The following THADA variants were observed in gnomAD, a reference collection of about 807,000 sequenced individuals.
THADA encodes the protein tRNA (32-2'-O)-methyltransferase regulator THADA.
Under a neutral mutation model 219.8 loss-of-function variants are expected in THADA, and 213 were observed. The observed-to-expected ratio is 0.97, with a 90% CI of 0.87 to 1.09. The LOEUF (loss-of-function observed/expected upper bound fraction) is 1.09, where lower values mean the gene tolerates loss of function less well. THADA is among the 50% of genes least tolerant of loss of function. The pLI, the probability that THADA is intolerant of heterozygous loss-of-function variation, is 0.00. For synonymous variants in THADA, 1,018 were observed against 828.9 expected, an observed-to-expected ratio of 1.23 and a Z score of -3.92; for missense variants, 2,956 against 2,311.3, an observed-to-expected ratio of 1.28 and a Z score of -5.72.
chr2:43,542,185 T>C (rs544457970), intron 20 of THADA, among the ~76,000 whole-genome samples: 68 of 152,316 alleles, frequency 4.5e-4, no homozygotes, highest in African/African-American at 1.6e-3. Flanking sequence ...ATGGTACTTA[T>C]AGGGTAACCT....
intron 36 of THADA, among the ~76,000 whole-genome samples, chr2:43,243,924 C>T (rs1001695999): frequency 6.6e-5 from 10 of 152,154 alleles, no homozygotes; most frequent in African/African-American, 2.4e-4. Context: ...CTATGACTGC[C>T]TGATGTAAAC....
intron 7 of THADA, among the ~76,000 whole-genome samples, chr2:43,585,100 C>T (rs996813679): frequency 5.8e-4 from 89 of 152,154 alleles, no homozygotes; most frequent in African/African-American, 2.1e-3. Flanking sequence ...TAGGTTTCCC[C>T]AAGGAAGAGT....
rs538112787 is a variant in THADA, at chr2:43,530,887, T to C, written c.3265-2899A>G. ...TTCCTGGGCACAGAAAACAGATTGATGTTCTAAGGACAAAACTGAGATATA... is the reference window on the plus strand; with the variant it reads ...TTCCTGGGCACAGAAAACAGATTGACGTTCTAAGGACAAAACTGAGATATA... On this transcript the variant is annotated intron_variant, in intron 21 of 37. Coordinates refer to ENST00000405975, the MANE Select transcript of THADA (RefSeq NM_022065.5). 1.3e-3 allele frequency among the ~76,000 whole-genome samples: 196 copies of C among 152,356 alleles called. 1 individual carries two copies. The South Asian group carries it at 0.018, about 14-fold the overall frequency.
chr2:43,521,859 C>G (rs1692533636), intron 22 of THADA, among the ~76,000 whole-genome samples: 1 of 152,164 alleles, frequency 6.6e-6, no homozygotes, highest in African/African-American at 2.4e-5. Context: ...TTATTTTGTA[C>G]CAATAAATCC....
chr2:43,330,324 G>A (rs1373527560), intron 30 of THADA, among the ~76,000 whole-genome samples: 1 of 152,206 alleles, frequency 6.6e-6, no homozygotes, highest in African/African-American at 2.4e-5. Context: ...CAGTCTAATT[G>A]CTGAGGAAGC....
At chr2:43,487,113 C>G (rs1034642292) in intron 25 of THADA, among the ~76,000 whole-genome samples, 1 of 152,174 alleles carries the variant, frequency 6.6e-6, no homozygotes. Context: ...ATTTAATCCC[C>G]AAATAACAAA....
In THADA at chr2:43,546,918, T is replaced by C. The variant is rs528384025; in HGVS notation, c.3106+2292A>G. On this transcript the variant is annotated intron_variant, in intron 20 of 37. Transcript: ENST00000405975. ...TGTGAATTTGATCCTGTCATTATGA[T>C]GTTAGCTGGTTATTTTGCTCGTTAG... is the stretch of plus-strand genomic sequence containing the variant. Among the ~76,000 whole-genome samples the C allele has an allele frequency of 2.9e-3, 442 of 152,270 alleles. 1 individual carries two copies. The highest frequency in any genetic ancestry group is 0.013 in the South Asian group (62 of 4,814).
At chr2:43,489,589 T>C (rs957801205) in intron 25 of THADA, among the ~76,000 whole-genome samples, 1 of 152,160 alleles carries the variant, frequency 6.6e-6, no homozygotes, top group Admixed American at 6.6e-5. Context: ...TTCATTCTTT[T>C]GCATGTGGAT....
chr2:43,590,432 C>G (rs1449884087), intron 4 of THADA, among the ~76,000 whole-genome samples: 1 of 152,030 alleles, frequency 6.6e-6, no homozygotes, highest in African/African-American at 2.4e-5. Flanking sequence ...AATCCCATCA[C>G]TTTGGGAGGC....
chr2:43,286,463 G>C (rs922365835), intron 35 of THADA, among the ~76,000 whole-genome samples: 1 of 152,138 alleles, frequency 6.6e-6, no homozygotes, highest in Non-Finnish European at 1.5e-5. Flanking sequence ...TTGGTGGTCT[G>C]GGAGTGGTGG....
chr2:43,570,201 T>C (rs1363842768), intron 14 of THADA, among the ~76,000 whole-genome samples, 187 bp downstream of exon 14: 1 of 152,202 alleles, frequency 6.6e-6, no homozygotes, highest in African/African-American at 2.4e-5. Context: ...GGTACAGCAC[T>C]GGTTCCATAA....
intron 19 of THADA, among the ~76,000 whole-genome samples, chr2:43,550,160 G>A (rs1696581600): frequency 6.6e-6 from 1 of 152,164 alleles, no homozygotes; most frequent in Non-Finnish European, 1.5e-5. Flanking sequence ...ATGAGTTGAA[G>A]GAATGAATGG....
intron 30 of THADA, among the ~76,000 whole-genome samples, chr2:43,330,854 G>A (rs1679879141): frequency 6.6e-6 from 1 of 152,138 alleles, no homozygotes; most frequent in South Asian, 2.1e-4. Context: ...AAGAAAGCAG[G>A]TCAAGAGGCA....
At chr2:43,441,730 A>G (rs2104861700) in intron 26 of THADA, among the ~76,000 whole-genome samples, 1 of 152,314 alleles carries the variant, frequency 6.6e-6, no homozygotes, top group East Asian at 1.9e-4. Flanking sequence ...TGCCCATGTA[A>G]GGTCTGTAAT....
intron 35 of THADA, among the ~76,000 whole-genome samples, chr2:43,280,198 C>T (rs1673181324): frequency 6.6e-6 from 1 of 152,192 alleles, no homozygotes; most frequent in Admixed American, 6.5e-5. Context: ...GCCCTGCTCT[C>T]CTAGTTGAGT....
chr2:43,452,286 G>A (rs1682443452), intron 26 of THADA, among the ~76,000 whole-genome samples: 1 of 152,028 alleles, frequency 6.6e-6, no homozygotes, highest in East Asian at 1.9e-4. Context: ...TATTGTTCAA[G>A]TGAGGGGGTG....
chr2:43,303,835 C>T (rs888480757), intron 31 of THADA, among the ~76,000 whole-genome samples: 9 of 152,150 alleles, frequency 5.9e-5, no homozygotes, highest in African/African-American at 1.7e-4. Context: ...TACCTCAGAC[C>T]GGCGGTTCTC....
At chr2:43,355,395 CATT>C (rs751327311) in intron 29 of THADA, among the ~76,000 whole-genome samples, 5 of 152,172 alleles carry the variant, frequency 3.3e-5, no homozygotes, top group Non-Finnish European at 7.3e-5. Context: ...CGCCAGCACT[CATT>C]ATTGCCGGTG....
chr2:43,233,531 T>C (rs1278612063), intron 36 of THADA: 1 of 152,202 alleles, frequency 6.6e-6, no homozygotes, highest in East Asian at 1.9e-4. Context: ...TGATAGCTCA[T>C]GGGCTGTAAA....
Sources: gnomAD v4.1 joint callset for allele counts (sites outside exome capture counted in the v4.1 genomes callset) on GRCh38, gnomAD v4.1.1 for gene constraint, MANE v1.5 for transcripts, NCBI Gene and HGNC (gene_info 2026-07-23, HGNC 2026-07-21) for gene names.